Variants in NDC80 observed in about 807,000 individuals in gnomAD.
NDC80 encodes kinetochore protein NDC80 homolog.
Under a neutral mutation model 89.3 loss-of-function variants are expected in NDC80, and 69 were observed. The ratio of observed to expected loss-of-function variants is 0.77; its 90% CI spans 0.64 to 0.94. The LOEUF (loss-of-function observed/expected upper bound fraction) is 0.94. Among genes scored for constraint, NDC80 ranks in the 40% least tolerant of loss-of-function variants. The pLI, the probability that NDC80 is intolerant of heterozygous loss-of-function variation, is 0.00. For missense variants in NDC80, 593 were observed against 739.6 expected (o/e 0.80, Z 2.30); for synonymous variants, 243 against 255.6 (o/e 0.95, Z 0.47).
intron 6 of NDC80, among the ~76,000 whole-genome samples, chr18:2,583,895 G>A (rs546935039): frequency 6.6e-6 from 1 of 152,074 alleles, no homozygotes; most frequent in Non-Finnish European, 1.5e-5. Flanking sequence ...TCCTGTATGC[G>A]AAACCCCATT....
At chr18:2,607,795 G>C (rs947858332) in intron 14 of NDC80, among the ~76,000 whole-genome samples, 6 of 150,176 alleles carry the variant, frequency 4.0e-5, no homozygotes, top group Non-Finnish European at 8.9e-5. Context: ...AATGGTTAAA[G>C]TTTAGGGAGT....
intron 10 of NDC80, among the ~76,000 whole-genome samples, chr18:2,591,376 A>G (rs2072626695): frequency 6.6e-6 from 1 of 152,092 alleles, no homozygotes; most frequent in African/African-American, 2.4e-5. Flanking sequence ...TTAAAAATAA[A>G]TTTATTGACA....
At chr18:2,582,607 A>G (rs896732977) in intron 6 of NDC80, 1 of 152,198 alleles carries the variant, frequency 6.6e-6, no homozygotes, top group African/African-American at 2.4e-5. Flanking sequence ...ATCGTTTAGT[A>G]TGATATATTC....
chr18:2,606,658 C>T (rs539758320), intron 14 of NDC80, 151 bp downstream of exon 14: 1 of 437,018 alleles, frequency 2.3e-6, no homozygotes, highest in East Asian at 3.6e-5. Context: ...CAAAGTTTAT[C>T]GTAAGGAGTC....
At chr18:2,589,590 C>T (rs988610776) in intron 9 of NDC80, among the ~76,000 whole-genome samples, 11 of 152,100 alleles carry the variant, frequency 7.2e-5, no homozygotes, top group African/African-American at 2.7e-4. Flanking sequence ...AACAAAGGCC[C>T]TGTGTTATAT....
chr18:2,581,238 C>T (rs114595735), intron 6 of NDC80, among the ~76,000 whole-genome samples: 2,382 of 152,208 alleles, frequency 0.016, 63 homozygotes, highest in African/African-American at 0.054. Context: ...CAAATTTTCT[C>T]GTAGTATTTT....
At chr18:2,601,199 G>T (rs1248215546) in intron 12 of NDC80, among the ~76,000 whole-genome samples, 197 bp from the exon 13 acceptor site, 1 of 152,128 alleles carries the variant, frequency 6.6e-6, no homozygotes, top group Non-Finnish European at 1.5e-5. Flanking sequence ...AAAACCAAAA[G>T]CAGGTTATAG....
At chr18:2,572,698 C>A (rs1329142835) in intron 1 of NDC80, among the ~76,000 whole-genome samples, 1 of 152,176 alleles carries the variant, frequency 6.6e-6, no homozygotes, top group African/African-American at 2.4e-5. Context: ...GTAACTTACT[C>A]GTCTTTGCAT....
At chr18:2,611,365 A>G (rs1483811891) in intron 16 of NDC80, among the ~76,000 whole-genome samples, 1 of 152,162 alleles carries the variant, frequency 6.6e-6, no homozygotes, top group African/African-American at 2.4e-5. Context: ...TGCATTTTAT[A>G]AAGTAATCTA....
intron 13 of NDC80, among the ~76,000 whole-genome samples, chr18:2,602,776 G>T (rs1568008746): frequency 6.6e-6 from 1 of 152,172 alleles, no homozygotes; most frequent in Non-Finnish European, 1.5e-5. Context: ...CATAGGTACA[G>T]TTATGCTCAT....
At position 2,616,455 on chromosome 18, in the gene NDC80, A is replaced by C. The variant is rs1348457709; in HGVS notation, c.1810A>C (p.Ile604Leu). ...GSVEKHLEEQ[I>L]AKVDREYEEC... ...TCACTAGAAACATCTTGAGGAGCAG[A>C]TTGCTAAAGTTGATAGAGAATATGA... The change falls in exon 17 of 17, where the codon ATT becomes CTT. Residue 604 changes from isoleucine to leucine, a missense_variant. Ile to Leu is a conservative substitution (Grantham distance 5, BLOSUM62 2). Coordinates refer to ENST00000261597, the MANE Select transcript of NDC80 (RefSeq NM_006101.3). The C allele has an allele frequency of 2.0e-6, 3 of 1,512,690 alleles. No individual in the cohort carries two copies. The highest frequency in any genetic ancestry group is 2.7e-6 in the Non-Finnish European group (3 of 1,124,978). 93.7% of individuals were successfully genotyped at this position (1,512,690 alleles called of 1,614,324 possible).
At chr18:2,597,590 G>A (rs1186757260) in intron 11 of NDC80, among the ~76,000 whole-genome samples, 1 of 152,068 alleles carries the variant, frequency 6.6e-6, no homozygotes, top group Non-Finnish European at 1.5e-5. Context: ...AAGAAGCCAG[G>A]TGTGGTGGCA....
chr18:2,582,102 A>T (rs1179437717), intron 6 of NDC80: 3 of 151,934 alleles, frequency 2.0e-5, no homozygotes, highest in Non-Finnish European at 4.4e-5. Context: ...TTTGAAACAG[A>T]GTCTTGCTTT....
In NDC80 at chr18:2,577,822, C is replaced by G. The variant is rs1271721453; in HGVS notation, c.256C>G (p.Leu86Val). 6.2e-7 allele frequency: 1 copy of G among 1,614,140 alleles called. No individual in the cohort carries two copies. Among genetic ancestry groups the G allele is most frequent in the Non-Finnish European group, 8.5e-7 (1 of 1,180,000 alleles). ...SSEKIKDPRP[L>V]NDKAFIQQCI... ...TGAGAAAATCAAGGACCCGAGACCA[C>G]TTAATGACAAAGCATTCATTCAGCA... The change falls in exon 4 of 17, where the codon CTT (leucine) becomes GTT (valine). Residue 86 changes from leucine (L) to valine (V), a missense_variant. Physicochemically the swap from Leu to Val is conservative, Grantham distance 32. Coordinates refer to ENST00000261597, the MANE Select transcript of NDC80 (RefSeq NM_006101.3).
chr18:2,603,378 T>TATAC, intron 13 of NDC80, among the ~76,000 whole-genome samples: 1 of 143,496 alleles, frequency 7.0e-6, no homozygotes, highest in East Asian at 2.0e-4. Flanking sequence ...TATATATATA[T>TATAC]ACACCTATGT....
intron 6 of NDC80, among the ~76,000 whole-genome samples, chr18:2,580,047 C>A (rs1016230201): frequency 4.1e-5 from 4 of 96,604 alleles, no homozygotes; most frequent in Admixed American, 1.2e-4. Context: ...GTTTTTCAGG[C>A]AAGTTTTATT....
At position 2,599,109 on chromosome 18, in the gene NDC80, G is replaced by C; in HGVS notation, c.1312G>C (p.Glu438Gln). The change falls in exon 12 of 17, where the codon GAA becomes CAA. Residue 438 changes from glutamate to glutamine, a missense_variant. Glu to Gln is a conservative substitution (Grantham distance 29, BLOSUM62 2). Coordinates refer to ENST00000261597, the MANE Select transcript of NDC80 (RefSeq NM_006101.3). ...TGAGAATTCCAAAGGTTATGACTTT[G>C]AAATTAAGTTTAATCCCGAGGCTGG... The part of the protein sequence containing the change: ...GAENSKGYDF[E>Q]IKFNPEAGAN... 1 of 1,613,364 alleles carries C rather than the reference G, an allele frequency of 6.2e-7. No homozygotes were observed. Among genetic ancestry groups the C allele is most frequent in the Non-Finnish European group, 8.5e-7 (1 of 1,179,654 alleles).
chr18:2,574,956 A>T, intron 2 of NDC80, 33 bp from the exon 3 acceptor site: 1 of 1,388,398 alleles, frequency 7.2e-7, no homozygotes, highest in South Asian at 1.3e-5. Flanking sequence ...TTTAATTTTT[A>T]TTTTAAAGAG....
intron 14 of NDC80, 86 bp from the exon 15 acceptor site, chr18:2,608,614 G>A (rs1311279988): frequency 1.5e-6 from 2 of 1,364,286 alleles, no homozygotes; most frequent in African/African-American, 2.9e-5. Context: ...TTTTATTTAA[G>A]TGCTTTTTAT....
Sources: gnomAD v4.1 joint callset for allele counts (sites outside exome capture counted in the v4.1 genomes callset) on GRCh38, gnomAD v4.1.1 for gene constraint, MANE v1.5 for transcripts, NCBI Gene and HGNC (gene_info 2026-07-23, HGNC 2026-07-21) for gene names.